Variants in RNF130 observed in about 807,000 individuals in gnomAD.
RNF130 encodes the protein E3 ubiquitin-protein ligase RNF130.
In RNF130, 21 loss-of-function variants were observed where a neutral mutation model predicts 44.6. The ratio of observed to expected loss-of-function variants is 0.47; its 90% CI spans 0.33 to 0.68. The LOEUF (loss-of-function observed/expected upper bound fraction) is 0.68, where lower values mean the gene tolerates loss of function less well. Among genes scored for constraint, RNF130 ranks in the 30% least tolerant of loss-of-function variants. RNF130 has a pLI of 0.02. For synonymous variants in RNF130, 214 were observed against 210.4 expected, an observed-to-expected ratio of 1.02 and a Z score of -0.15; for missense variants, 479 against 560.6, an observed-to-expected ratio of 0.85 and a Z score of 1.47.
chr5:180,020,835 G>A (rs912575897), intron 2 of RNF130, among the ~76,000 whole-genome samples: 1 of 152,300 alleles, frequency 6.6e-6, no homozygotes, highest in Admixed American at 6.5e-5. Context: ...AATCAGTGGA[G>A]AGCCACAGAC....
rs1317731295 is a variant in RNF130, at chr5:180,055,266, AAAAAAAAAAAAAAAC to A, written c.248-14634_248-14620del. 7.1e-5 allele frequency among the ~76,000 whole-genome samples: 2 copies of A among 28,048 alleles called. 1 individual carries two copies. 18.4% of individuals were successfully genotyped at this position (28,048 alleles called of 152,430 possible). On this transcript the variant is annotated intron_variant, in intron 1 of 8. Coordinates refer to ENST00000521389, the MANE Select transcript of RNF130 (RefSeq NM_018434.6). ...TCTGTCTCAAAAAAAAAAAAAAAAA[AAAAAAAAAAAAAAAC>A]AAAAAAAAACAGCAAACAAACAAAA...
At chr5:179,939,362 C>A (rs1343829078) in intron 7 of RNF130, 1 of 163,412 alleles carries the variant, frequency 6.1e-6, no homozygotes, top group Non-Finnish European at 1.3e-5. Context: ...TTTATCAATA[C>A]TTCAGGTACA....
chr5:179,946,680 A>T (rs983155765), intron 7 of RNF130, among the ~76,000 whole-genome samples: 1 of 151,648 alleles, frequency 6.6e-6, no homozygotes, highest in Non-Finnish European at 1.5e-5. Flanking sequence ...CAGCCTCCCG[A>T]GTAGCTGGGA....
downstream of RNF130, among the ~76,000 whole-genome samples, chr5:179,953,860 T>C (rs1337812688): frequency 6.6e-6 from 1 of 152,132 alleles, no homozygotes; most frequent in African/African-American, 2.4e-5. Flanking sequence ...AAATGACCTA[T>C]CTGATAAAGG....
At chr5:180,000,865 AATTC>A (rs1488189661) in intron 3 of RNF130, among the ~76,000 whole-genome samples, 2 of 152,022 alleles carry the variant, frequency 1.3e-5, no homozygotes, top group African/African-American at 2.4e-5. Context: ...CTTTTCTGGC[AATTC>A]ATTAAGTTTT....
At chr5:180,060,844 C>T (rs1015739174) in intron 1 of RNF130, among the ~76,000 whole-genome samples, 19 of 152,096 alleles carry the variant, frequency 1.2e-4, no homozygotes, top group Admixed American at 8.5e-4. Context: ...CCGAGGTGGG[C>T]GGATCACGAG....
intron 1 of RNF130, among the ~76,000 whole-genome samples, chr5:180,046,095 G>A (rs957573212): frequency 4.5e-4 from 68 of 152,308 alleles, no homozygotes; most frequent in African/African-American, 1.6e-3. Flanking sequence ...GGCATCTGAG[G>A]CCCCACGAGA....
At chr5:179,967,741 G>A (rs999497122) in intron 6 of RNF130, among the ~76,000 whole-genome samples, 1 of 152,210 alleles carries the variant, frequency 6.6e-6, no homozygotes, top group African/African-American at 2.4e-5. Context: ...GTGGTTGTGA[G>A]AAGTTTGTAT....
chr5:180,045,933 G>A (rs1401892287), intron 1 of RNF130, among the ~76,000 whole-genome samples: 1 of 152,326 alleles, frequency 6.6e-6, no homozygotes, highest in Non-Finnish European at 1.5e-5. Context: ...TTCCCCTAGT[G>A]GATCCCGTGC....
intron 1 of RNF130, among the ~76,000 whole-genome samples, chr5:180,041,535 GAA>G (rs1034030520): frequency 1.2e-4 from 19 of 152,166 alleles, no homozygotes; most frequent in African/African-American, 4.3e-4. Flanking sequence ...ATCTTAAGAA[GAA>G]GCCCCCGGCT....
At chr5:179,969,253 C>G (rs115744536) in intron 6 of RNF130, among the ~76,000 whole-genome samples, 6 of 151,994 alleles carry the variant, frequency 3.9e-5, no homozygotes, top group African/African-American at 1.4e-4. Context: ...TGACCTGGCA[C>G]CTGCCACAGC....
chr5:179,950,905 T>C (rs1209831750), downstream of RNF130, among the ~76,000 whole-genome samples: 1 of 152,186 alleles, frequency 6.6e-6, no homozygotes, highest in Non-Finnish European at 1.5e-5. Flanking sequence ...AAAGGAAGAA[T>C]TGCTTTGATC....
rs757611583 is a variant in RNF130 at position 179,963,688 on chromosome 5, G to C, written c.1151-124C>G. ...GAGGTGTAAGCCAAGATTGGCCCAA[G>C]GAAGTGAAGCAGGAGGTTTGCCAGA... On this transcript the variant is annotated intron_variant, in intron 7 of 8. Transcript: ENST00000521389. 8 of 710,008 alleles carry C rather than the reference G, an allele frequency of 1.1e-5. No individual in the cohort carries two copies. The Admixed American group carries it at 1.7e-4, about 15-fold the overall frequency. 44.0% of individuals were successfully genotyped at this position (710,008 alleles called of 1,614,324 possible). A position where few individuals can be genotyped will look rare whatever the true frequency, so the allele number is the denominator to read the frequency against.
At chr5:179,934,538 T>C (rs1009682522) in intron 7 of RNF130, among the ~76,000 whole-genome samples, 4 of 133,810 alleles carry the variant, frequency 3.0e-5, no homozygotes, top group Non-Finnish European at 6.2e-5. Context: ...TTCTTTTCTT[T>C]CCTTTTTTTT....
chr5:179,921,111 C>G (rs1444518567), intron 7 of RNF130, among the ~76,000 whole-genome samples: 1 of 152,068 alleles, frequency 6.6e-6, no homozygotes, highest in Non-Finnish European at 1.5e-5. Context: ...TGTTTTTAAG[C>G]TTTACTGGGG....
intron 3 of RNF130, among the ~76,000 whole-genome samples, chr5:180,004,732 G>C (rs1372800950): frequency 6.6e-6 from 1 of 152,212 alleles, no homozygotes; most frequent in Admixed American, 6.5e-5. Context: ...ATTGAGGATA[G>C]GTCACTTTGA....
At chr5:180,021,863 T>C (rs1763878882) in intron 2 of RNF130, among the ~76,000 whole-genome samples, 1 of 152,138 alleles carries the variant, frequency 6.6e-6, no homozygotes, top group African/African-American at 2.4e-5. Flanking sequence ...TCTGCGACTT[T>C]CCCAATAACG....
chr5:179,927,006 G>A (rs1339696370), intron 7 of RNF130, among the ~76,000 whole-genome samples: 8 of 152,210 alleles, frequency 5.3e-5, no homozygotes, highest in Admixed American at 3.3e-4. Flanking sequence ...GAAGTCTTCT[G>A]TGTTGACTGT....
Position 180,071,613 on chromosome 5 carries a change from C to T in RNF130, c.90G>A (p.Ala30=), listed in dbSNP as rs1258126290. 1.3e-6 allele frequency: 2 copies of T among 1,506,342 alleles called. No individual in the cohort carries two copies. Among genetic ancestry groups the T allele is most frequent in the Non-Finnish European group, 1.8e-6 (2 of 1,126,256 alleles). 93.3% of individuals were successfully genotyped at this position (1,506,342 alleles called of 1,614,324 possible). Reference sequence around the variant, plus strand: ...TGAGCGCCGTGTAGTACTCCTGGCTCGCGTTGTCTGCCCGTGCCGGCCACA... The same window carrying T: ...TGAGCGCCGTGTAGTACTCCTGGCTTGCGTTGTCTGCCCGTGCCGGCCACA... ...CSLWPARADN[A]SQEYYTALIN... Residue 30 remains alanine, a synonymous_variant, in exon 1 of 9, where the codon GCG becomes GCA. Coordinates refer to ENST00000521389, the MANE Select transcript of RNF130 (RefSeq NM_018434.6).
Sources: gnomAD v4.1 joint callset for allele counts (sites outside exome capture counted in the v4.1 genomes callset) on GRCh38, gnomAD v4.1.1 for gene constraint, MANE v1.5 for transcripts, NCBI Gene and HGNC (gene_info 2026-07-23, HGNC 2026-07-21) for gene names.